Variants in MARCHF1 observed in about 807,000 individuals in gnomAD.
The protein encoded by MARCHF1 is E3 ubiquitin-protein ligase MARCHF1.
In MARCHF1, 40 loss-of-function variants were observed where a neutral mutation model predicts 54.2. The observed-to-expected ratio is 0.74, with a 90% CI of 0.57 to 0.96. The LOEUF is 0.96. Ranked by LOEUF, MARCHF1 falls within the 40% of genes least tolerant of loss-of-function variation. MARCHF1 has a pLI of 0.00. For synonymous variants in MARCHF1, 236 were observed against 236.3 expected (o/e 1.00, Z 0.01); for missense variants, 586 against 656.5 (o/e 0.89, Z 1.17).
At chr4:164,306,874 C>T (rs1168733665) in intron 1 of MARCHF1, among the ~76,000 whole-genome samples, 1 of 152,118 alleles carries the variant, frequency 6.6e-6, no homozygotes, top group African/African-American at 2.4e-5. Context: ...ATAAACTAAT[C>T]ATCATCAATG....
intron 3 of MARCHF1, among the ~76,000 whole-genome samples, chr4:163,976,721 T>C (rs1388898039): frequency 6.6e-6 from 1 of 152,176 alleles, no homozygotes; most frequent in Non-Finnish European, 1.5e-5. Flanking sequence ...TAAAGTGCCA[T>C]GATGTGAAGA....
rs975936243 is a variant in MARCHF1 at position 163,976,216 on chromosome 4, G to A, written c.-39+12285C>T. 7.2e-5 allele frequency among the ~76,000 whole-genome samples: 11 copies of A among 152,044 alleles called. No homozygotes were observed. The East Asian group carries it at 9.6e-4, about 13-fold the overall frequency. On this transcript the variant is annotated intron_variant, in intron 3 of 9. Transcript: ENST00000514618. ...GGAGAAGCTATGGTGGTCATCTAAC[G>A]GGGCAAGTGTGTAGAGGACAAATAA...
At chr4:164,196,864 T>C in intron 1 of MARCHF1, 2 of 979,066 alleles carry the variant, frequency 2.0e-6, no homozygotes, top group Non-Finnish European at 1.6e-6. Context: ...CCCACAGCAA[T>C]GTTACAATCA....
At chr4:164,107,211 A>G (rs1755725723) in intron 2 of MARCHF1, among the ~76,000 whole-genome samples, 1 of 152,182 alleles carries the variant, frequency 6.6e-6, no homozygotes, top group African/African-American at 2.4e-5. Flanking sequence ...TTTGTCATAT[A>G]TCAGTGGTTT....
intron 2 of MARCHF1, among the ~76,000 whole-genome samples, chr4:164,034,370 G>A (rs1753950095): frequency 6.6e-6 from 1 of 152,158 alleles, no homozygotes; most frequent in Non-Finnish European, 1.5e-5. Context: ...CACGCAGTTG[G>A]TGGGAATATA....
chr4:163,575,103 A>G (rs1233210493), intron 8 of MARCHF1, among the ~76,000 whole-genome samples: 1 of 151,954 alleles, frequency 6.6e-6, no homozygotes, highest in Non-Finnish European at 1.5e-5. Context: ...TTCTTGCTCC[A>G]GTTCTCAAGC....
intron 5 of MARCHF1, among the ~76,000 whole-genome samples, chr4:163,634,666 C>T (rs969518236): frequency 3.3e-5 from 5 of 152,126 alleles, no homozygotes; most frequent in East Asian, 1.9e-4. Flanking sequence ...TAACACCCCA[C>T]TGTCAACATT....
chr4:164,071,938 T>G (rs1424647088), intron 2 of MARCHF1, among the ~76,000 whole-genome samples: 1 of 151,992 alleles, frequency 6.6e-6, no homozygotes, highest in Non-Finnish European at 1.5e-5. Context: ...TTAATGAATT[T>G]TTTAGTGCAG....
intron 1 of MARCHF1, among the ~76,000 whole-genome samples, chr4:164,220,516 T>C (rs1022078347): frequency 6.9e-6 from 1 of 145,866 alleles, no homozygotes; most frequent in Non-Finnish European, 1.5e-5. Context: ...GGCATATATA[T>C]GTAATATATA....
intron 1 of MARCHF1, among the ~76,000 whole-genome samples, chr4:164,159,737 G>A (rs187036795): frequency 2.6e-5 from 4 of 152,298 alleles, no homozygotes; most frequent in Admixed American, 1.3e-4. Flanking sequence ...TCTGGGGAAA[G>A]TTATCAGCGA....
At chr4:164,189,358 T>G (rs1426652218) in intron 1 of MARCHF1, 1 of 620,290 alleles carries the variant, frequency 1.6e-6, no homozygotes, top group South Asian at 2.1e-5. Context: ...GGCCAAATTT[T>G]AAGAGCTAAA....
At position 163,612,436 on chromosome 4, in the gene MARCHF1, T is replaced by A; in HGVS notation, c.845A>T (p.Asn282Ile). The A allele has an allele frequency of 6.5e-7, 1 of 1,535,450 alleles. No individual in the cohort carries two copies. Among genetic ancestry groups the A allele is most frequent in the East Asian group, 2.4e-5 (1 of 40,902 alleles). Reference protein sequence around the residue: ...DPQLLQSLRKNEIMKKTFSET... With the variant: ...DPQLLQSLRKIEIMKKTFSET... ...TGAAAATGTCTTCTTCATTATTTCA[T>A]TTTTCCTAAGACTTTGCAAGAGCTG... Residue 282 changes from asparagine to isoleucine, a missense_variant, in exon 7 of 10, where the codon AAT becomes ATT. Asn to Ile is a moderately radical substitution (Grantham distance 149). This residue lies in a region of MARCHF1 where 387 missense variants were observed against 394.6 expected (regional missense o/e 0.98). Transcript: ENST00000514618.
rs1175154916 is a variant in MARCHF1, at chr4:164,340,422, T to C, written c.-323+43448A>G. 2.6e-4 allele frequency among the ~76,000 whole-genome samples: 34 copies of C among 128,824 alleles called. 5 individuals carry two copies. Among genetic ancestry groups the C allele is most frequent in the East Asian group, 7.5e-4 (3 of 3,976 alleles). 84.5% of individuals were successfully genotyped at this position (128,824 alleles called of 152,430 possible). A position where few individuals can be genotyped will look rare whatever the true frequency, so the allele number is the denominator to read the frequency against. On this transcript the variant is annotated intron_variant, in intron 1 of 9. Transcript: ENST00000514618. The stretch of plus-strand genomic sequence containing the variant: ...GCCTTGATTTATATATAGATATATA[T>C]ATATATATATATAGTTTGTTTGTTT...
At chr4:163,992,720 T>C (rs1752991204) in intron 2 of MARCHF1, among the ~76,000 whole-genome samples, 1 of 150,050 alleles carries the variant, frequency 6.7e-6, no homozygotes, top group Non-Finnish European at 1.5e-5. Context: ...AAAAATCCTA[T>C]GAGCAATATA....
At chr4:163,765,859 T>C (rs992521590) in intron 4 of MARCHF1, among the ~76,000 whole-genome samples, 32 of 147,814 alleles carry the variant, frequency 2.2e-4, no homozygotes, top group Non-Finnish European at 6.0e-5. Context: ...TATAGATATA[T>C]ATACACACAT....
At chr4:163,701,547 C>T (rs1397995) in intron 4 of MARCHF1, among the ~76,000 whole-genome samples, 1,973 of 152,074 alleles carry the variant, frequency 0.013, 47 homozygotes, top group African/African-American at 0.043. Context: ...TAGAAATGGA[C>T]CTTAAGTAGT....
intron 1 of MARCHF1, among the ~76,000 whole-genome samples, chr4:164,176,980 C>CTCTCGATATATATA (rs1466683245): frequency 1.7e-5 from 1 of 58,918 alleles, no homozygotes; most frequent in African/African-American, 7.2e-5. Context: ...CTCTCTCTCT[C>CTCTCGATATATATA]TATATATATA....
At chr4:163,678,662 T>C (rs553849967) in intron 5 of MARCHF1, among the ~76,000 whole-genome samples, 17 of 152,352 alleles carry the variant, frequency 1.1e-4, no homozygotes, top group African/African-American at 3.8e-4. Context: ...AGTAGTGCAT[T>C]GAATACTGTT....
At chr4:164,228,557 G>A (rs1732323168) in intron 1 of MARCHF1, among the ~76,000 whole-genome samples, 1 of 152,062 alleles carries the variant, frequency 6.6e-6, no homozygotes, top group African/African-American at 2.4e-5. Context: ...AGAAAAACAT[G>A]TTTTTCTTAA....
Sources: allele counts gnomAD v4.1 joint callset (sites outside exome capture counted in the v4.1 genomes callset), GRCh38; gene constraint gnomAD v4.1.1; regional missense constraint gnomAD v4.1.1; transcripts MANE v1.5; gene names NCBI Gene and HGNC (gene_info 2026-07-23, HGNC 2026-07-21).